The following PHACTR3 variants were observed in gnomAD, a reference collection of about 807,000 sequenced individuals.
PHACTR3 encodes phosphatase and actin regulator 3.
PHACTR3 carries 16 observed loss-of-function variants against 66.8 expected under a neutral mutation model. The observed-to-expected ratio is 0.24, with a 90% CI of 0.16 to 0.36. The LOEUF (loss-of-function observed/expected upper bound fraction) is 0.36. Among genes scored for constraint, PHACTR3 ranks in the 10% least tolerant of loss-of-function variants. PHACTR3 has a pLI of 1.00. For missense variants in PHACTR3, 647 were observed against 719.9 expected (o/e 0.90, Z 1.16); for synonymous variants, 323 against 292.1 (o/e 1.11, Z -1.08).
intron 7 of PHACTR3, among the ~76,000 whole-genome samples, chr20:59,794,782 A>G (rs773268089): frequency 1.3e-5 from 2 of 152,156 alleles, no homozygotes; most frequent in Non-Finnish European, 2.9e-5. Flanking sequence ...GTACGTGTCC[A>G]GGAAATGATC....
At chr20:59,653,883 G>T (rs920083692) in intron 1 of PHACTR3, among the ~76,000 whole-genome samples, 1 of 151,976 alleles carries the variant, frequency 6.6e-6, no homozygotes. Context: ...CTATAGCAAC[G>T]AACGCTTTCT....
At chr20:59,772,604 A>G (rs1042061954) in intron 5 of PHACTR3, among the ~76,000 whole-genome samples, 4 of 152,000 alleles carry the variant, frequency 2.6e-5, no homozygotes, top group Non-Finnish European at 5.9e-5. Context: ...TGGTGCCTTC[A>G]AAGACGGGAG....
intron 4 of PHACTR3, among the ~76,000 whole-genome samples, chr20:59,758,019 CT>C: frequency 6.6e-6 from 1 of 152,122 alleles, no homozygotes; most frequent in Non-Finnish European, 1.5e-5. Flanking sequence ...GAGAAGAGAC[CT>C]GGCAGGTTAT....
chr20:59,810,508 C>G (rs1212172048), intron 8 of PHACTR3, among the ~76,000 whole-genome samples: 1 of 152,262 alleles, frequency 6.6e-6, no homozygotes, highest in Non-Finnish European at 1.5e-5. Flanking sequence ...CCCTTTGTCT[C>G]TGCTCTGCCT....
intron 1 of PHACTR3, among the ~76,000 whole-genome samples, chr20:59,592,044 T>TAC (rs777577447): frequency 6.6e-5 from 10 of 151,984 alleles, no homozygotes; most frequent in South Asian, 4.2e-4. Flanking sequence ...GAAATACACA[T>TAC]ACACACACAC....
chr20:59,600,703 T>C (rs1938235956), upstream of PHACTR3, among the ~76,000 whole-genome samples: 1 of 152,210 alleles, frequency 6.6e-6, no homozygotes, highest in African/African-American at 2.4e-5. Flanking sequence ...ACTGACTCTG[T>C]CCCATCTTTG....
intron 7 of PHACTR3, among the ~76,000 whole-genome samples, chr20:59,786,580 C>T (rs558892836): frequency 6.6e-6 from 1 of 152,330 alleles, no homozygotes; most frequent in African/African-American, 2.4e-5. Flanking sequence ...GCACTTAGCA[C>T]AGCTGAGCAG....
chr20:59,666,061 A>G (rs532752082), intron 1 of PHACTR3, among the ~76,000 whole-genome samples: 56 of 152,206 alleles, frequency 3.7e-4, no homozygotes, highest in Admixed American at 7.8e-4. Context: ...GGGGCTGTGA[A>G]GGTCTGTCCA....
chr20:59,589,824 C>G lies in PHACTR3; in HGVS notation c.109+12207C>G, dbSNP rs549648631. ...AAGTAAACACTAATAGTGTGCACAA[C>G]AGTGCCAATTCTAGAAGAGGGTATG... On this transcript the variant is annotated intron_variant, in intron 1 of 12. Coordinates refer to the PHACTR3 transcript ENST00000359926. Among the ~76,000 whole-genome samples, 4 of 152,362 alleles carry G rather than the reference C, an allele frequency of 2.6e-5. No homozygotes were observed. In the South Asian group the frequency reaches 8.3e-4, roughly 32 times the overall value.
intron 1 of PHACTR3, among the ~76,000 whole-genome samples, chr20:59,681,938 G>A (rs2036666823): frequency 1.3e-5 from 2 of 151,828 alleles, no homozygotes; most frequent in Admixed American, 1.3e-4. Context: ...TGAACCCAGG[G>A]GGTGGAGGTT....
chr20:59,641,857 G>A (rs970975890), intron 1 of PHACTR3, among the ~76,000 whole-genome samples: 1 of 152,192 alleles, frequency 6.6e-6, no homozygotes, highest in African/African-American at 2.4e-5. Context: ...AATAAATTAT[G>A]CAGCAATGAT....
intron 1 of PHACTR3, among the ~76,000 whole-genome samples, chr20:59,691,716 G>A (rs931577933): frequency 6.6e-6 from 1 of 152,076 alleles, no homozygotes; most frequent in East Asian, 1.9e-4. Flanking sequence ...AGTTGTGTAA[G>A]AATTACAGAA....
intron 7 of PHACTR3, among the ~76,000 whole-genome samples, chr20:59,800,651 A>G (rs2041385717): frequency 6.6e-6 from 1 of 152,184 alleles, no homozygotes; most frequent in African/African-American, 2.4e-5. Flanking sequence ...TTTATGTTTC[A>G]TGCATAAAGT....
At chr20:59,702,572 G>A (rs1308721578) in intron 1 of PHACTR3, among the ~76,000 whole-genome samples, 2 of 152,188 alleles carry the variant, frequency 1.3e-5, no homozygotes, top group African/African-American at 2.4e-5. Context: ...GGCCTTGCCT[G>A]TTTAGCTGGC....
intron 3 of PHACTR3, among the ~76,000 whole-genome samples, chr20:59,750,607 G>T (rs1475754211): frequency 6.6e-6 from 1 of 152,170 alleles, no homozygotes; most frequent in Non-Finnish European, 1.5e-5. Context: ...CGTCTTCCCT[G>T]CCCACACACC....
At chr20:59,653,883 G>C (rs920083692) in intron 1 of PHACTR3, among the ~76,000 whole-genome samples, 1 of 151,976 alleles carries the variant, frequency 6.6e-6, no homozygotes, top group East Asian at 1.9e-4. Context: ...CTATAGCAAC[G>C]AACGCTTTCT....
chr20:59,675,645 C>A (rs181971217), intron 1 of PHACTR3, among the ~76,000 whole-genome samples: 7 of 152,286 alleles, frequency 4.6e-5, no homozygotes, highest in Admixed American at 4.6e-4. Context: ...GGGGACACTG[C>A]AGTGCCTGGA....
chr20:59,836,963 C>A (rs765017105), intron 9 of PHACTR3, among the ~76,000 whole-genome samples: 8 of 152,180 alleles, frequency 5.3e-5, no homozygotes, highest in Non-Finnish European at 1.0e-4. Flanking sequence ...ATAAAGCAGT[C>A]AGCTCAGGGA....
intron 1 of PHACTR3, among the ~76,000 whole-genome samples, chr20:59,666,294 G>A (rs565919327): frequency 6.6e-6 from 1 of 152,302 alleles, no homozygotes; most frequent in African/African-American, 2.4e-5. Flanking sequence ...GCAAGCCACG[G>A]CCCCACATGC....
Sources: allele counts gnomAD v4.1 joint callset (sites outside exome capture counted in the v4.1 genomes callset), GRCh38; gene constraint gnomAD v4.1.1; transcripts MANE v1.5; gene names NCBI Gene and HGNC (gene_info 2026-07-23, HGNC 2026-07-21).